The following FHIT variants were observed in gnomAD, a reference collection of about 807,000 sequenced individuals.
FHIT encodes bis(5'-adenosyl)-triphosphatase.
In FHIT, 19 loss-of-function variants were observed where a neutral mutation model predicts 17.9. The observed-to-expected ratio is 1.06, with a 90% CI of 0.74 to 1.56. The LOEUF is 1.56. Among genes scored for constraint, FHIT ranks in the 40% most tolerant of loss-of-function variants. The pLI is 0.00. For missense variants in FHIT, 248 were observed against 189.2 expected (o/e 1.31, Z -1.82); for synonymous variants, 81 against 69.7 (o/e 1.16, Z -0.81).
chr3:60,831,584 A>T (rs1462910613), intron 3 of FHIT, among the ~76,000 whole-genome samples: 1 of 152,214 alleles, frequency 6.6e-6, no homozygotes, highest in African/African-American at 2.4e-5. Context: ...CTCTGCCACC[A>T]GCTTCAGACT....
At chr3:60,836,120 C>A (rs1279502500) in intron 3 of FHIT, among the ~76,000 whole-genome samples, 1 of 152,206 alleles carries the variant, frequency 6.6e-6, no homozygotes. Flanking sequence ...CAGCCTTGCA[C>A]TGCTGGACTA....
chr3:60,738,656 C>T (rs567600381), intron 4 of FHIT, among the ~76,000 whole-genome samples: 4 of 152,308 alleles, frequency 2.6e-5, no homozygotes, highest in South Asian at 4.1e-4. Context: ...TGTGTGGTCA[C>T]GGACAAGCAG....
chr3:60,590,543 A>G (rs2038051513), intron 4 of FHIT, among the ~76,000 whole-genome samples: 1 of 152,150 alleles, frequency 6.6e-6, no homozygotes. Context: ...AATGTTATAA[A>G]TAATATCCAA....
intron 3 of FHIT, among the ~76,000 whole-genome samples, chr3:60,995,270 A>C (rs1369042603): frequency 2.0e-5 from 3 of 152,136 alleles, no homozygotes; most frequent in African/African-American, 7.2e-5. Flanking sequence ...CAGTGAGCCG[A>C]GATCGTGCCA....
At chr3:60,043,005 G>A (rs1701504823) in intron 5 of FHIT, among the ~76,000 whole-genome samples, 1 of 152,142 alleles carries the variant, frequency 6.6e-6, no homozygotes, top group African/African-American at 2.4e-5. Context: ...AAAAAAACAT[G>A]GAGCCTCTAT....
intron 5 of FHIT, among the ~76,000 whole-genome samples, chr3:60,356,897 A>T (rs779360562): frequency 1.3e-4 from 20 of 152,100 alleles, no homozygotes; most frequent in African/African-American, 4.3e-4. Flanking sequence ...TTGATGCCAA[A>T]TGTGTGGCTA....
At chr3:60,312,358 T>C (rs901992898) in intron 5 of FHIT, among the ~76,000 whole-genome samples, 3 of 152,096 alleles carry the variant, frequency 2.0e-5, no homozygotes, top group Admixed American at 2.0e-4. Flanking sequence ...CCTAGGCTGG[T>C]CTCGAACTCC....
chr3:60,502,738 GACA>G (rs2034573315), intron 5 of FHIT, among the ~76,000 whole-genome samples: 1 of 152,094 alleles, frequency 6.6e-6, no homozygotes. Context: ...GAGGGCTGAC[GACA>G]ACACTATGAC....
intron 2 of FHIT, among the ~76,000 whole-genome samples, chr3:61,146,686 AGT>A (rs997831552): frequency 1.3e-5 from 2 of 152,016 alleles, no homozygotes; most frequent in African/African-American, 4.8e-5. Flanking sequence ...CACATTTCCA[AGT>A]GAAGCACCAA....
chr3:60,528,161 G>C (rs2035643810), intron 5 of FHIT, among the ~76,000 whole-genome samples: 1 of 152,062 alleles, frequency 6.6e-6, no homozygotes, highest in Admixed American at 6.6e-5. Context: ...TTGTAGAAAA[G>C]GGTCTAGCTA....
intron 5 of FHIT, among the ~76,000 whole-genome samples, chr3:60,400,695 T>G (rs975337275): frequency 6.6e-6 from 1 of 152,000 alleles, no homozygotes; most frequent in Non-Finnish European, 1.5e-5. Context: ...ACAGTTGGTC[T>G]CCCCATGGTA....
intron 4 of FHIT, among the ~76,000 whole-genome samples, chr3:60,714,298 C>T (rs1553706043): frequency 6.6e-6 from 1 of 152,008 alleles, no homozygotes; most frequent in Non-Finnish European, 1.5e-5. Flanking sequence ...ATAATAAGAG[C>T]TATCTATGAC....
rs73830793 is a variant in FHIT, at chr3:60,087,297, T to C, written c.104-73145A>G. On this transcript the variant is annotated intron_variant, in intron 5 of 9. Transcript: ENST00000492590. The stretch of plus-strand genomic sequence containing the variant: ...ATAGGAGGGGTGGTTGTGAAGATCT[T>C]TGAAATGCCTTAAGGGCCTTTTTCC... Among the ~76,000 whole-genome samples, 167 of 152,240 alleles carry C rather than the reference T, an allele frequency of 1.1e-3. 1 individual carries two copies. The highest frequency in any genetic ancestry group is 3.8e-3 in the African/African-American group (156 of 41,554).
intron 4 of FHIT, among the ~76,000 whole-genome samples, chr3:60,733,510 G>T (rs2042074874): frequency 6.6e-6 from 1 of 152,002 alleles, no homozygotes; most frequent in Non-Finnish European, 1.5e-5. Context: ...GTCATTCCTT[G>T]GTCAGTAGCT....
intron 4 of FHIT, among the ~76,000 whole-genome samples, chr3:60,594,369 C>T (rs1350659393): frequency 5.9e-5 from 9 of 152,114 alleles, no homozygotes; most frequent in African/African-American, 1.9e-4. Flanking sequence ...AAAAATAGAA[C>T]ACTGACCCAC....
intron 5 of FHIT, among the ~76,000 whole-genome samples, chr3:60,484,183 A>T (rs1199916844): frequency 2.0e-5 from 3 of 151,846 alleles, no homozygotes; most frequent in Admixed American, 2.0e-4. Context: ...AGAGAAAACA[A>T]ATTGGACAAC....
intron 5 of FHIT, among the ~76,000 whole-genome samples, chr3:60,337,389 A>T (rs373868977): frequency 6.6e-6 from 1 of 152,140 alleles, no homozygotes; most frequent in African/African-American, 2.4e-5. Flanking sequence ...ATGTGTTCTG[A>T]CTGTCTCCTC....
Position 59,945,850 on chromosome 3 carries a change from T to C in FHIT, c.280-23436A>G, listed in dbSNP as rs371504993. Among the ~76,000 whole-genome samples the C allele has an allele frequency of 5.9e-5, 9 of 152,288 alleles. No individual in the cohort carries two copies. The East Asian group carries it at 1.5e-3, about 26-fold the overall frequency. ...ATCAGATGGTTGTAGGTTTGCAGCTTTATTTCTGGGCTCTCTATTCTGTTC... is the reference window on the plus strand; with the variant it reads ...ATCAGATGGTTGTAGGTTTGCAGCTCTATTTCTGGGCTCTCTATTCTGTTC... On this transcript the variant is annotated intron_variant, in intron 7 of 9. Transcript: ENST00000492590.
At chr3:60,624,136 G>A (rs1249284966) in intron 4 of FHIT, among the ~76,000 whole-genome samples, 4 of 152,208 alleles carry the variant, frequency 2.6e-5, no homozygotes, top group Non-Finnish European at 5.9e-5. Context: ...GCATCCCAGA[G>A]AGAAGAAATG....
Sources: allele counts gnomAD v4.1 joint callset (sites outside exome capture counted in the v4.1 genomes callset), GRCh38; gene constraint gnomAD v4.1.1; transcripts MANE v1.5; gene names NCBI Gene and HGNC (gene_info 2026-07-23, HGNC 2026-07-21).